Variants in MTM1 observed in about 807,000 individuals in gnomAD.
MTM1 encodes the protein myotubularin.
In MTM1, 9 loss-of-function variants were observed where a neutral mutation model predicts 52.1. That is an observed-to-expected ratio of 0.17 (90% CI 0.10 to 0.30). The LOEUF (loss-of-function observed/expected upper bound fraction) is 0.30. MTM1 is among the 10% of genes least tolerant of loss of function. MTM1 has a pLI of 1.00. For synonymous variants in MTM1, 136 were observed against 163.8 expected (o/e 0.83, Z 1.29); for missense variants, 277 against 470.7 (o/e 0.59, Z 3.81).
chrX:150,599,333 G>A (rs2039031894), intron 4 of MTM1, among the ~76,000 whole-genome samples: 1 of 112,569 alleles, frequency 8.9e-6, no homozygotes, highest in South Asian at 3.6e-4. Flanking sequence ...ATGGAAAAGA[G>A]ATGCCCCAGA....
intron 1 of MTM1, among the ~76,000 whole-genome samples, chrX:150,577,136 G>A (rs1323928406): frequency 8.9e-6 from 1 of 111,969 alleles, no homozygotes; most frequent in African/African-American, 3.3e-5. Context: ...GTTGTTGCAT[G>A]TATCAGCAGT....
chrX:150,659,529 A>G (rs2040183813), intron 11 of MTM1, 135 bp from the exon 12 acceptor site: 3 of 510,085 alleles, frequency 5.9e-6, no homozygotes, highest in Non-Finnish European at 1.1e-5. Flanking sequence ...CCATGGAAGT[A>G]TATATTATTT....
At chrX:150,563,001 C>T in the MTM1 span, among the ~76,000 whole-genome samples, 185 of 111,288 alleles carry the variant, frequency 1.7e-3, no homozygotes, top group African/African-American at 5.8e-3. Context: ...GGATGTAGAT[C>T]CCAGGTCTCC....
At chrX:150,582,560 A>G (rs1437401664) in intron 1 of MTM1, among the ~76,000 whole-genome samples, 1 of 111,622 alleles carries the variant, frequency 9.0e-6, no homozygotes, top group African/African-American at 3.3e-5. Context: ...GCACTGGAGT[A>G]GGGTGGACTC....
intron 6 of MTM1, among the ~76,000 whole-genome samples, chrX:150,632,503 G>A (rs1162927071): frequency 8.9e-6 from 1 of 111,744 alleles, no homozygotes; most frequent in Non-Finnish European, 1.9e-5. Flanking sequence ...TTTTAAGCAG[G>A]AACGTGGCAT....
At chrX:150,634,252 C>CAGCT (rs782346546) in intron 6 of MTM1, among the ~76,000 whole-genome samples, 13 of 112,392 alleles carry the variant, frequency 1.2e-4, no homozygotes, top group African/African-American at 3.9e-4. Context: ...CAGTGACAGA[C>CAGCT]AGCTGTCCGT....
In MTM1 at chrX:150,578,999, C is replaced by T. The variant is rs782009839; in HGVS notation, c.-11+10337C>T. On this transcript the variant is annotated intron_variant, in intron 1 of 14. Coordinates refer to ENST00000370396, the MANE Select transcript of MTM1 (RefSeq NM_000252.3). Reference sequence around the variant, plus strand: ...TAGGAGTCTTTGATCCGTGAGCATGCGATATGTATCTATATATCTCTATCT... The same window carrying T: ...TAGGAGTCTTTGATCCGTGAGCATGTGATATGTATCTATATATCTCTATCT... Among the ~76,000 whole-genome samples the T allele has an allele frequency of 1.6e-4, 15 of 94,260 alleles. No homozygotes were observed. The South Asian group carries it at 1.8e-3, about 11-fold the overall frequency. The allele number at this position is 94,260 out of a possible 115,157, so 81.9% of individuals were successfully genotyped here.
chrX:150,641,525 T>C, intron 8 of MTM1, 107 bp downstream of exon 8: 1 of 966,878 alleles, frequency 1.0e-6, no homozygotes, highest in South Asian at 2.0e-5. Context: ...TCCCAAAAAA[T>C]ACTTACTAAG....
intron 4 of MTM1, among the ~76,000 whole-genome samples, chrX:150,614,269 G>A (rs1424053626): frequency 2.7e-5 from 3 of 112,285 alleles, no homozygotes; most frequent in Non-Finnish European, 5.6e-5. Context: ...TAGTTGGAGT[G>A]CAGAATATCG....
intron 11 of MTM1, among the ~76,000 whole-genome samples, chrX:150,659,300 C>T (rs899429443): frequency 1.3e-4 from 14 of 111,995 alleles, no homozygotes; most frequent in Middle Eastern, 4.6e-3. Context: ...GTTTTCTTCG[C>T]GACTGAAAGA....
At chrX:150,659,432 ATGATTCTT>A (rs782529900) in intron 11 of MTM1, among the ~76,000 whole-genome samples, 4 of 111,952 alleles carry the variant, frequency 3.6e-5, no homozygotes, top group African/African-American at 1.3e-4. Flanking sequence ...ACCTAGGATG[ATGATTCTT>A]TGGCAATTTT....
intron 10 of MTM1, among the ~76,000 whole-genome samples, chrX:150,654,964 A>C (rs2040085469): frequency 8.9e-6 from 1 of 112,110 alleles, no homozygotes; most frequent in African/African-American, 3.2e-5. Context: ...TGGAACTCTC[A>C]TACATTGTTT....
At chrX:150,573,646 G>A (rs2038416936) in intron 1 of MTM1, among the ~76,000 whole-genome samples, 1 of 111,858 alleles carries the variant, frequency 8.9e-6, no homozygotes, top group South Asian at 3.7e-4. Context: ...AGATGTAGAG[G>A]CAGAGGTGGG....
chrX:150,663,908 A>C (rs185959773), intron 14 of MTM1, among the ~76,000 whole-genome samples: 154 of 111,975 alleles, frequency 1.4e-3, no homozygotes, highest in African/African-American at 4.6e-3. Flanking sequence ...TGAAGTAGTT[A>C]TTCATTATAT....
intron 4 of MTM1, among the ~76,000 whole-genome samples, chrX:150,611,256 A>G (rs1166659921): frequency 8.9e-6 from 1 of 112,026 alleles, no homozygotes; most frequent in Non-Finnish European, 1.9e-5. Flanking sequence ...ATTCTTTGCC[A>G]TAATAATAAT....
chrX:150,591,908 A>G (rs1206140703), intron 1 of MTM1, among the ~76,000 whole-genome samples: 1 of 112,602 alleles, frequency 8.9e-6, no homozygotes, highest in Non-Finnish European at 1.9e-5. Flanking sequence ...AAAATAACCA[A>G]AGCATTACTT....
At chrX:150,600,428 C>A (rs2039049511) in intron 4 of MTM1, among the ~76,000 whole-genome samples, 1 of 111,812 alleles carries the variant, frequency 8.9e-6, no homozygotes, top group Admixed American at 9.5e-5. Flanking sequence ...GTTAATATTC[C>A]CCTAGGCTGA....
intron 3 of MTM1, 136 bp downstream of exon 3, chrX:150,596,706 A>G (rs2038982865): frequency 4.1e-6 from 2 of 490,923 alleles, no homozygotes; most frequent in Admixed American, 3.0e-5. Context: ...TTAACACAGA[A>G]CTCTCTGCAT....
At chrX:150,668,928 T>TG (rs782196594) in intron 14 of MTM1, among the ~76,000 whole-genome samples, 1 of 107,581 alleles carries the variant, frequency 9.3e-6, no homozygotes, top group African/African-American at 3.4e-5. Flanking sequence ...AAAAAAAGGG[T>TG]GGGGGGATAC....
Sources: allele counts gnomAD v4.1 joint callset (sites outside exome capture counted in the v4.1 genomes callset), GRCh38; gene constraint gnomAD v4.1.1; transcripts MANE v1.5; gene names NCBI Gene and HGNC (gene_info 2026-07-23, HGNC 2026-07-21).